Variants in AFF4 observed in about 807,000 individuals in gnomAD.
The protein encoded by AFF4 is AF4/FMR2 family member 4.
Under a neutral mutation model 124.8 loss-of-function variants are expected in AFF4, and 13 were observed. The observed-to-expected ratio is 0.10, with a 90% CI of 0.07 to 0.17. The LOEUF (loss-of-function observed/expected upper bound fraction) is 0.17, where lower values mean the gene tolerates loss of function less well. Among genes scored for constraint, AFF4 ranks in the 10% least tolerant of loss-of-function variants. AFF4 has a pLI of 1.00. For synonymous variants in AFF4, 477 were observed against 496.1 expected (o/e 0.96, Z 0.51); for missense variants, 1,092 against 1,403.8 (o/e 0.78, Z 3.55).
intron 1 of AFF4, among the ~76,000 whole-genome samples, chr5:132,942,378 G>C (rs1045542335): frequency 6.6e-6 from 1 of 152,108 alleles, no homozygotes; most frequent in Non-Finnish European, 1.5e-5. Context: ...AATTCCCTTG[G>C]AGAAAGGTGT....
At chr5:132,958,853 G>A (rs1480140165) in intron 1 of AFF4, among the ~76,000 whole-genome samples, 8 of 152,100 alleles carry the variant, frequency 5.3e-5, no homozygotes, top group African/African-American at 1.7e-4. Flanking sequence ...CCCTGTCCCC[G>A]AACAGATCTC....
intron 1 of AFF4, among the ~76,000 whole-genome samples, chr5:132,956,786 C>T (rs966096521): frequency 1.3e-5 from 2 of 151,658 alleles, no homozygotes; most frequent in African/African-American, 4.8e-5. Context: ...CTTTGGGAGG[C>T]TGAGGCAGGC....
At chr5:132,884,069 TGTAATCACCC>T (rs1760054189) in intron 19 of AFF4, among the ~76,000 whole-genome samples, 1 of 152,194 alleles carries the variant, frequency 6.6e-6, no homozygotes, top group Non-Finnish European at 1.5e-5. Context: ...CTCAAGCAAC[TGTAATCACCC>T]CAAGCTTCCT....
At chr5:132,954,590 C>T (rs1469114086) in intron 1 of AFF4, among the ~76,000 whole-genome samples, 1 of 146,252 alleles carries the variant, frequency 6.8e-6, no homozygotes, top group Non-Finnish European at 1.5e-5. Flanking sequence ...CTCTGTCGCC[C>T]AGGCTGGAGT....
At chr5:132,911,602 G>A (rs1032158162) in intron 5 of AFF4, among the ~76,000 whole-genome samples, 2 of 151,642 alleles carry the variant, frequency 1.3e-5, no homozygotes, top group African/African-American at 4.8e-5. Flanking sequence ...GTGAACTCTG[G>A]GACAACTTTA....
intron 5 of AFF4, among the ~76,000 whole-genome samples, chr5:132,918,399 T>C (rs1760964829): frequency 6.6e-6 from 1 of 151,700 alleles, no homozygotes; most frequent in South Asian, 2.1e-4. Context: ...CAGTGGCTCA[T>C]GCCTGTAATC....
At chr5:132,924,975 G>C (rs1353697500) in intron 5 of AFF4, among the ~76,000 whole-genome samples, 1 of 151,888 alleles carries the variant, frequency 6.6e-6, no homozygotes, top group African/African-American at 2.4e-5. Flanking sequence ...CAGGAGTTCA[G>C]ACCAGCCTGG....
At position 132,932,158 on chromosome 5, in the gene AFF4, A is replaced by G. The variant is rs577477678; in HGVS notation, c.963+20T>C. The G allele has an allele frequency of 4.9e-5, 77 of 1,559,594 alleles. No homozygotes were observed. Among genetic ancestry groups the G allele is most frequent in the Non-Finnish European group, 6.4e-5 (74 of 1,149,510 alleles). On this transcript the variant is annotated intron_variant, in intron 4 of 20. Transcript: ENST00000265343. ...ATAAAAAATTAAAGAAATTGAAATG[A>G]TTTTTTTTAAAAAACTTACTTTTAG...
intron 11 of AFF4, among the ~76,000 whole-genome samples, chr5:132,893,612 G>C (rs1199132732): frequency 6.6e-6 from 1 of 152,094 alleles, no homozygotes. Context: ...CTACCTCCCA[G>C]GTTCAAGCGA....
chr5:132,934,313 T>C lies in AFF4; in HGVS notation c.752A>G (p.Gln251Arg). 6.2e-7 allele frequency: 1 copy of C among 1,614,174 alleles called. No individual in the cohort carries two copies. Among genetic ancestry groups the C allele is most frequent in the Non-Finnish European group, 8.5e-7 (1 of 1,180,026 alleles). The change falls in exon 3 of 21, where the codon CAG (glutamine) becomes CGG (arginine). Residue 251 changes from glutamine (Q) to arginine (R), a missense_variant. Physicochemically the swap from Gln to Arg is conservative, Grantham distance 43 (BLOSUM62 1). Around this residue, in one of 11 missense-constraint regions of AFF4, gnomAD observed 188 missense variants for 203.0 expected, o/e 0.93. Transcript: ENST00000265343. ...GGGCCGCACATAGGCAGTGGGTTTC[T>C]GTAACATTGAATTGGACTTTGACAT... is the stretch of plus-strand genomic sequence containing the variant. ...SLMSKSNSML[Q>R]KPTAYVRPMD...
At chr5:132,918,554 TG>T (rs1760968918) in intron 5 of AFF4, among the ~76,000 whole-genome samples, 1 of 150,960 alleles carries the variant, frequency 6.6e-6, no homozygotes, top group Non-Finnish European at 1.5e-5. Flanking sequence ...CCCAGCTACC[TG>T]GGAGGCTGAG....
chr5:132,937,608 T>A (rs1353942366), intron 1 of AFF4: 1 of 153,030 alleles, frequency 6.5e-6, no homozygotes, highest in Non-Finnish European at 1.5e-5. Flanking sequence ...ACTACCACCC[T>A]TCCCCCCAGG....
At chr5:132,945,941 T>A (rs1761688174) in intron 1 of AFF4, among the ~76,000 whole-genome samples, 1 of 151,710 alleles carries the variant, frequency 6.6e-6, no homozygotes, top group African/African-American at 2.4e-5. Context: ...AAGCCTGTAA[T>A]CCCAGCTACT....
chr5:132,959,751 G>A (rs1335275517), intron 1 of AFF4, among the ~76,000 whole-genome samples: 1 of 129,452 alleles, frequency 7.7e-6, no homozygotes, highest in Non-Finnish European at 1.6e-5. Context: ...AAGTAGGAGT[G>A]CTTTTCTTTT....
chr5:132,909,460 G>C (rs1760743287), intron 5 of AFF4, among the ~76,000 whole-genome samples: 1 of 152,140 alleles, frequency 6.6e-6, no homozygotes, highest in Non-Finnish European at 1.5e-5. Flanking sequence ...TCTTTACTCT[G>C]AAGAGAGAAG....
intron 4 of AFF4, among the ~76,000 whole-genome samples, chr5:132,928,062 T>C (rs1395213185): frequency 6.6e-6 from 1 of 152,094 alleles, no homozygotes; most frequent in Non-Finnish European, 1.5e-5. Context: ...AAATTAACAG[T>C]GGTGTAACAC....
chr5:132,959,410 G>C (rs978230190), intron 1 of AFF4, among the ~76,000 whole-genome samples: 1 of 152,030 alleles, frequency 6.6e-6, no homozygotes, highest in South Asian at 2.1e-4. Flanking sequence ...ATGAGCCACC[G>C]GGCCCGGCAA....
intron 1 of AFF4, among the ~76,000 whole-genome samples, chr5:132,939,240 C>G (rs1435047070): frequency 6.7e-6 from 1 of 148,622 alleles, no homozygotes; most frequent in Non-Finnish European, 1.5e-5. Flanking sequence ...AAAGAATGTT[C>G]TAAGTGTTTC....
rs1165491313 is a variant in AFF4, at chr5:132,952,256, ACTGTTTCCAATTTCCCAACATT to A, written c.-5+10981_-5+11002del. 1.5e-4 allele frequency among the ~76,000 whole-genome samples: 23 copies of A among 152,182 alleles called. No homozygotes were observed. In the East Asian group the frequency reaches 3.1e-3, roughly 20 times the overall value. On this transcript the variant is annotated intron_variant, in intron 1 of 20. Coordinates refer to ENST00000265343, the MANE Select transcript of AFF4 (RefSeq NM_014423.4). Reference sequence around the variant, plus strand: ...GTATCCAATCACTATTCAACATTCTACTGTTTCCAATTTCCCAACATTCTGTTTCCAATTTCCCAACATTCTG... The same window carrying A: ...GTATCCAATCACTATTCAACATTCTACTGTTTCCAATTTCCCAACATTCTG...
Sources: gnomAD v4.1 joint callset for allele counts (sites outside exome capture counted in the v4.1 genomes callset) on GRCh38, gnomAD v4.1.1 for gene constraint, gnomAD v4.1.1 regional missense constraint, MANE v1.5 for transcripts, NCBI Gene and HGNC (gene_info 2026-07-23, HGNC 2026-07-21) for gene names.